The following TMC1 variants were observed in gnomAD, a reference collection of about 807,000 sequenced individuals.
TMC1 encodes transmembrane channel-like protein 1.
Under a neutral mutation model 105.8 loss-of-function variants are expected in TMC1, and 84 were observed. The observed-to-expected ratio is 0.79, with a 90% CI of 0.67 to 0.95. The LOEUF is 0.95. Ranked by LOEUF, TMC1 falls within the 40% of genes least tolerant of loss-of-function variation. The pLI is 0.00. For missense variants in TMC1, 817 were observed against 914.1 expected, an observed-to-expected ratio of 0.89 and a Z score of 1.37; for synonymous variants, 315 against 311.5, an observed-to-expected ratio of 1.01 and a Z score of -0.12.
chr9:72,782,620 T>TA (rs1173934342), intron 13 of TMC1, among the ~76,000 whole-genome samples: 2 of 152,116 alleles, frequency 1.3e-5, no homozygotes, highest in African/African-American at 2.4e-5. Context: ...AGTTTCAGAA[T>TA]AAAAAACCAA....
chr9:72,685,423 GCA>G (rs564585142), intron 5 of TMC1, among the ~76,000 whole-genome samples: 1,836 of 149,004 alleles, frequency 0.012, 38 homozygotes, highest in African/African-American at 0.043. Flanking sequence ...GAGAGCAGTG[GCA>G]CAATCTCGGC....
chr9:72,693,842 ATTG>A (rs1444074775), intron 6 of TMC1, among the ~76,000 whole-genome samples: 1 of 152,128 alleles, frequency 6.6e-6, no homozygotes, highest in Non-Finnish European at 1.5e-5. Context: ...TGAGGCATTC[ATTG>A]TTGTTGATGA....
At chr9:72,771,391 C>T (rs190824409) in intron 12 of TMC1, among the ~76,000 whole-genome samples, 127 of 152,274 alleles carry the variant, frequency 8.3e-4, no homozygotes, top group Non-Finnish European at 1.3e-3. Context: ...TTAGCATCTA[C>T]GACATTTCTA....
chr9:72,779,119 C>A (rs543344590), intron 13 of TMC1, among the ~76,000 whole-genome samples: 2 of 152,188 alleles, frequency 1.3e-5, no homozygotes, highest in African/African-American at 4.8e-5. Flanking sequence ...GGCCAGAGAA[C>A]AAAGCTGTGT....
intron 20 of TMC1, among the ~76,000 whole-genome samples, chr9:72,822,939 T>C (rs1295385417): frequency 1.3e-5 from 2 of 152,230 alleles, no homozygotes; most frequent in Non-Finnish European, 2.9e-5. Flanking sequence ...CTAACTCTTC[T>C]GGCTTTCCTA....
intron 12 of TMC1, among the ~76,000 whole-genome samples, chr9:72,757,340 G>A (rs953930203): frequency 5.3e-5 from 8 of 152,154 alleles, no homozygotes; most frequent in Admixed American, 1.3e-4. Flanking sequence ...GACTAAGCTC[G>A]AGTGTTCTTA....
intron 13 of TMC1, among the ~76,000 whole-genome samples, chr9:72,778,639 C>T (rs901349140): frequency 6.6e-6 from 1 of 152,170 alleles, no homozygotes; most frequent in Non-Finnish European, 1.5e-5. Flanking sequence ...TGAAGACTCA[C>T]CATGCCCCTG....
At chr9:72,562,789 G>A (rs1824080683) in intron 1 of TMC1, among the ~76,000 whole-genome samples, 1 of 152,084 alleles carries the variant, frequency 6.6e-6, no homozygotes, top group African/African-American at 2.4e-5. Context: ...TGAAAATACA[G>A]AGGAAGATCT....
intron 3 of TMC1, among the ~76,000 whole-genome samples, chr9:72,620,482 C>T (rs571547674): frequency 2.0e-5 from 3 of 152,036 alleles, no homozygotes; most frequent in African/African-American, 7.2e-5. Flanking sequence ...AATGCCTGGA[C>T]TCAAGTGATC....
intron 23 of TMC1, 36 bp from the exon 24 acceptor site, chr9:72,835,915 G>GTTTTTTTTTTTTTTTTTTTCTTTTTT: frequency 1.5e-6 from 2 of 1,314,682 alleles, no homozygotes; most frequent in Non-Finnish European, 1.0e-6. Context: ...CTCTCTCCTT[G>GTTTTTTTTTTTTTTTTTTTCTTTTTT]TTTTTTTTTT....
chr9:72,524,364 G>T (rs1366858640), intron 1 of TMC1, among the ~76,000 whole-genome samples: 1 of 152,144 alleles, frequency 6.6e-6, no homozygotes, highest in Non-Finnish European at 1.5e-5. Flanking sequence ...TGAAAAACAG[G>T]ATCAGTGTCT....
chr9:72,786,557 G>C (rs1828171606), intron 13 of TMC1, among the ~76,000 whole-genome samples: 1 of 152,168 alleles, frequency 6.6e-6, no homozygotes. Flanking sequence ...ATGATGTATT[G>C]AGATTGCTTC....
intron 3 of TMC1, among the ~76,000 whole-genome samples, chr9:72,620,639 C>T (rs1443701535): frequency 6.6e-6 from 1 of 151,928 alleles, no homozygotes; most frequent in Non-Finnish European, 1.5e-5. Flanking sequence ...GAAAAATGGC[C>T]AAATTTGGTA....
chr9:72,728,809 A>G (rs1050614702), intron 8 of TMC1, among the ~76,000 whole-genome samples: 2 of 152,074 alleles, frequency 1.3e-5, no homozygotes, highest in African/African-American at 2.4e-5. Flanking sequence ...TGAATCTTAA[A>G]GCAATCAAGT....
At position 72,781,759 on chromosome 9, in the gene TMC1, C is replaced by T. The variant is rs570186505; in HGVS notation, c.885-6580C>T. ...AACATATAACCTCCCAAGATTGAAC[C>T]AGGAAGAAATTGAAACCCTGAACAG... On this transcript the variant is annotated intron_variant, in intron 13 of 23. Transcript: ENST00000297784. 1.8e-4 allele frequency among the ~76,000 whole-genome samples: 27 copies of T among 152,132 alleles called. 1 individual carries two copies. Among genetic ancestry groups the T allele is most frequent in the African/African-American group, 6.5e-4 (27 of 41,496 alleles).
intron 2 of TMC1, among the ~76,000 whole-genome samples, chr9:72,610,170 A>T (rs1240595833): frequency 2.0e-5 from 3 of 152,208 alleles, no homozygotes; most frequent in African/African-American, 7.2e-5. Context: ...TTGAAGCTCC[A>T]AGTATTACAC....
intron 8 of TMC1, among the ~76,000 whole-genome samples, chr9:72,733,474 T>G (rs1827248095): frequency 6.6e-6 from 1 of 152,126 alleles, no homozygotes; most frequent in African/African-American, 2.4e-5. Flanking sequence ...TGCCTGGAAG[T>G]ACCTAGTTAT....
rs942389093 is a variant in TMC1 at position 72,599,671 on chromosome 9, G to A, written c.-305-16697G>A. 3.9e-5 allele frequency among the ~76,000 whole-genome samples: 6 copies of A among 151,914 alleles called. 1 individual carries two copies. Among genetic ancestry groups the A allele is most frequent in the South Asian group, 2.1e-4 (1 of 4,820 alleles). On this transcript the variant is annotated intron_variant, in intron 2 of 23. Coordinates refer to ENST00000297784, the MANE Select transcript of TMC1 (RefSeq NM_138691.3). Reference sequence around the variant, plus strand: ...TAAAAATACAAAAAATTAGCCAGCCGTAGAGGCGGGTGCCTGTCATCCCAG... The same window carrying A: ...TAAAAATACAAAAAATTAGCCAGCCATAGAGGCGGGTGCCTGTCATCCCAG...
Position 72,740,133 on chromosome 9 carries a change from T to C in TMC1, c.377T>C (p.Phe126Ser). 6.2e-7 allele frequency: 1 copy of C among 1,613,586 alleles called. No individual in the cohort carries two copies. The highest frequency in any genetic ancestry group is 8.5e-7 in the Non-Finnish European group (1 of 1,179,688). ...TATTTTCTCAGGGAGGCAAAAAAAT[T>C]TGTGAGTGAAAATGAAGGGGCTCTT... ...KIEVLKEAKK[F>S]VSENEGALGK... The change falls in exon 9 of 24, where the codon TTT becomes TCT. Residue 126 changes from phenylalanine to serine, a missense_variant. Phe to Ser is a radical substitution (Grantham distance 155, BLOSUM62 -2). Coordinates refer to ENST00000297784, the MANE Select transcript of TMC1 (RefSeq NM_138691.3).
Sources: allele counts gnomAD v4.1 joint callset (sites outside exome capture counted in the v4.1 genomes callset), GRCh38; gene constraint gnomAD v4.1.1; transcripts MANE v1.5; gene names NCBI Gene and HGNC (gene_info 2026-07-23, HGNC 2026-07-21).